TONSL: variants seen among roughly 807,000 people sequenced by gnomAD.
The protein encoded by TONSL is tonsoku like, DNA repair protein.
TONSL carries 112 observed loss-of-function variants against 147.1 expected under a neutral mutation model. The ratio of observed to expected loss-of-function variants is 0.76; its 90% CI spans 0.65 to 0.89. TONSL has a LOEUF of 0.89. Ranked by LOEUF, TONSL falls within the 40% of genes least tolerant of loss-of-function variation. The pLI, the probability that TONSL is intolerant of heterozygous loss-of-function variation, is 0.00. For missense variants in TONSL, 1,883 were observed against 1,864.6 expected, an observed-to-expected ratio of 1.01 and a Z score of -0.18; for synonymous variants, 868 against 801.5, an observed-to-expected ratio of 1.08 and a Z score of -1.40.
At position 144,435,889 on chromosome 8, in the gene TONSL, G is replaced by A; in HGVS notation, c.2544C>T (p.Pro848=). The A allele has an allele frequency of 6.3e-7, 1 of 1,598,660 alleles. No individual in the cohort carries two copies. Among genetic ancestry groups the A allele is most frequent in the Non-Finnish European group, 8.6e-7 (1 of 1,169,234 alleles). Reference sequence around the variant, plus strand: ...GGTTGTCTCCAGTGCCCCGGGGGCGGGGCCGGCGGCTGCGGGTCAGGGGCA... The same window carrying A: ...GGTTGTCTCCAGTGCCCCGGGGGCGAGGCCGGCGGCTGCGGGTCAGGGGCA... ...LDMPLTRSRR[P]RPRGTGDNRR... The change falls in exon 17 of 26, where the codon CCC becomes CCT. Residue 848 remains proline, a synonymous_variant. Transcript: ENST00000409379.
At chr8:144,429,417 ACT>A in intron 25 of TONSL, 81 bp from the exon 26 acceptor site, 1 of 1,289,044 alleles carries the variant, frequency 7.8e-7, no homozygotes, top group Non-Finnish European at 1.0e-6. Context: ...CAGGGAACAA[ACT>A]CGCTTTCGCT....
chr8:144,442,820 C>T lies in TONSL; in HGVS notation c.449-14G>A, dbSNP rs1823770438. On this transcript the variant is annotated splice_polypyrimidine_tract_variant and intron_variant, in intron 4 of 25. Coordinates refer to ENST00000409379, the MANE Select transcript of TONSL (RefSeq NM_013432.5). ...GGGCCAGTGTCCCTGGAAGATACCCCCCCAAACACTCAGCCACTTCCTCCC... is the reference window on the plus strand; with the variant it reads ...GGGCCAGTGTCCCTGGAAGATACCCTCCCAAACACTCAGCCACTTCCTCCC... 6.2e-7 allele frequency: 1 copy of T among 1,605,516 alleles called. No homozygotes were observed.
Position 144,442,801 on chromosome 8 carries a change from G to A in TONSL, c.454C>T (p.Leu152=). Residue 152 remains leucine (L), a synonymous_variant, in exon 5 of 26, where the codon CTG becomes TTG. Transcript: ENST00000409379. ...ATCTCATTCAGCTCTCCCTGGGCCA[G>A]TGTCCCTGGAAGATACCCCCCCAAA... is the stretch of plus-strand genomic sequence containing the variant. ...AIVDEELEGT[L]AQGELNEMRT... 6.2e-7 allele frequency: 1 copy of A among 1,611,490 alleles called. No homozygotes were observed. The highest frequency in any genetic ancestry group is 8.5e-7 in the Non-Finnish European group (1 of 1,179,278).
Position 144,436,660 on chromosome 8 carries a change from G to A in TONSL, c.1912C>T (p.Leu638=), listed in dbSNP as rs1464297696. ...CGGTACAGCTTCACCCACTGCTGCA[G>A]CGTCTCCAGCGGGCTGAGGCCCTGT... ...TRKGLSPLET[L]QQWVKLYRRD... is the part of the protein sequence containing the mutation. Residue 638 remains leucine, a synonymous_variant, in exon 16 of 26, where the codon CTG becomes TTG. Transcript: ENST00000409379. The A allele has an allele frequency of 1.2e-6, 2 of 1,612,084 alleles. No individual in the cohort carries two copies. The highest frequency in any genetic ancestry group is 2.2e-5 in the East Asian group (1 of 44,900).
In TONSL at chr8:144,436,194, C is replaced by G. The variant is rs369234807; in HGVS notation, c.2239G>C (p.Glu747Gln). The part of the protein sequence containing the change: ...PASSSSSSEG[E>Q]DSAGPARPSQ... The stretch of plus-strand genomic sequence containing the variant: ...GGCCGTGCGGGGCCTGCGCTGTCCT[C>G]GCCTTCTGAGCTGCTGCTGCTGCTG... Residue 747 changes from glutamate (E) to glutamine (Q), a missense_variant, in exon 17 of 26, where the codon GAG (glutamate) becomes CAG (glutamine). By Grantham distance (29) the Glu-to-Gln change is conservative. Transcript: ENST00000409379. 3 of 1,571,496 alleles carry G rather than the reference C, an allele frequency of 1.9e-6. No homozygotes were observed. Among genetic ancestry groups the G allele is most frequent in the Non-Finnish European group, 2.6e-6 (3 of 1,162,478 alleles).
chr8:144,432,547 T>C (rs1823251453), intron 22 of TONSL, 87 bp from the exon 23 acceptor site: 1 of 1,358,300 alleles, frequency 7.4e-7, no homozygotes, highest in Non-Finnish European at 9.7e-7. Flanking sequence ...TCAGGACCCC[T>C]TTGGGGAAAC....
intron 13 of TONSL, 32 bp from the exon 14 acceptor site, chr8:144,437,131 T>TGTGTACCTCACAGCCTGGCCCC: frequency 6.2e-7 from 1 of 1,603,454 alleles, no homozygotes; most frequent in East Asian, 2.2e-5. Context: ...AGCCTGGCCC[T>TGTGTACCTCACAGCCTGGCCCC]GTGTACCTCA....
Position 144,436,768 on chromosome 8 carries a change from G to A in TONSL, c.1879C>T (p.Arg627Cys), listed in dbSNP as rs751754276. 3.7e-5 allele frequency: 60 copies of A among 1,610,866 alleles called. No homozygotes were observed. Among genetic ancestry groups the A allele is most frequent in the Middle Eastern group, 3.3e-4 (2 of 6,082 alleles). ...CCCACCAGGCTCACCTTTCGAGTGC[G>A]GAGGGTGACGGACGCCCCCCGTTCA... ...LLERGASVTL[R>C]TRKGLSPLET... The change falls in exon 15 of 26, where the codon CGC becomes TGC. Residue 627 changes from arginine (R) to cysteine (C), a missense_variant. Transcript: ENST00000409379.
rs1321755551 is a variant in TONSL, at chr8:144,429,191, G to A, written c.4089C>T (p.Gly1363=). ...RQLQPSRPGP[G]ECTLDHGSKL... ...TGGAGCCGTGGTCCAGCGTGCACTCGCCGGGGCCCGGCCGACTGGGCTGCA... is the reference window on the plus strand; with the variant it reads ...TGGAGCCGTGGTCCAGCGTGCACTCACCGGGGCCCGGCCGACTGGGCTGCA... The change falls in exon 26 of 26, where the codon GGC becomes GGT. Residue 1363 remains glycine (G), a synonymous_variant. Transcript: ENST00000409379. The A allele has an allele frequency of 3.3e-6, 5 of 1,534,482 alleles. No homozygotes were observed. Among genetic ancestry groups the A allele is most frequent in the South Asian group, 1.2e-5 (1 of 83,738 alleles).
At chr8:144,436,464 C>T (rs376103780) in intron 16 of TONSL, 46 bp from the exon 17 acceptor site, 198 of 1,544,204 alleles carry the variant, frequency 1.3e-4, no homozygotes, top group Non-Finnish European at 1.5e-4. Flanking sequence ...CGGCACCTCC[C>T]GCTCCACCTG....
At chr8:144,432,157 C>G (rs1434173149) in intron 23 of TONSL, 128 bp downstream of exon 23, 1 of 1,083,766 alleles carries the variant, frequency 9.2e-7, no homozygotes, top group Non-Finnish European at 1.3e-6. Context: ...CTCCAAACCT[C>G]TAACTCTCTC....
In TONSL at chr8:144,435,519, C is replaced by T. The variant is rs1288090751; in HGVS notation, c.2807G>A (p.Arg936Gln). Residue 936 changes from arginine to glutamine, a missense_variant, in exon 18 of 26, where the codon CGA becomes CAA. Transcript: ENST00000409379. ...GPAPPPPIRV[R>Q]VQVQDHLFLI... is the part of the protein sequence containing the mutation. The stretch of plus-strand genomic sequence containing the variant: ...GAAGAGATGATCCTGAACTTGAACT[C>T]GAACCCGGATGGGAGGGGGCGGGGC... 5.8e-6 allele frequency: 9 copies of T among 1,549,930 alleles called. No individual in the cohort carries two copies. The highest frequency in any genetic ancestry group is 6.1e-6 in the Non-Finnish European group (7 of 1,146,506).
At chr8:144,431,301 G>A in intron 23 of TONSL, 150 bp from the exon 24 acceptor site, 2 of 684,826 alleles carry the variant, frequency 2.9e-6, no homozygotes, top group South Asian at 3.4e-5. Context: ...TCCTGATGTG[G>A]GTCACACTCT....
At chr8:144,434,541 C>T (rs1345351920) in intron 20 of TONSL, among the ~76,000 whole-genome samples, 1 of 152,184 alleles carries the variant, frequency 6.6e-6, no homozygotes, top group Non-Finnish European at 1.5e-5. Context: ...TCCCCAGCAG[C>T]TCCCAGCCCA....
chr8:144,443,144 G>T lies in TONSL; in HGVS notation c.442C>A (p.Leu148Met), dbSNP rs760476. 144 of 1,550,274 alleles carry T rather than the reference G, an allele frequency of 9.3e-5. No individual in the cohort carries two copies. Among genetic ancestry groups the T allele is most frequent in the Non-Finnish European group, 1.2e-4 (134 of 1,146,840 alleles). ...EKSLAIVDEE[L>M]EGTLAQGELN... The stretch of plus-strand genomic sequence containing the variant: ...CGCGGAGGGGTCTGCCCACCCTCCA[G>T]CTCCTCATCCACAATAGCCAAGCTC... Residue 148 changes from leucine to methionine, a missense_variant, in exon 4 of 26, where the codon CTG becomes ATG. Transcript: ENST00000409379.
chr8:144,429,227 G>T lies in TONSL; in HGVS notation c.4053C>A (p.Ala1351=). 1 of 1,535,988 alleles carries T rather than the reference G, an allele frequency of 6.5e-7. No individual in the cohort carries two copies. Residue 1351 remains alanine (A), a synonymous_variant, in exon 26 of 26, where the codon GCC becomes GCA. Transcript: ENST00000409379. ...SRRLCAEDRD[A]LRQLQPSRPG... ...GCCGACTGGGCTGCAGCTGGCGCAG[G>T]GCGTCCCTGTCCTCAGCGCAGAGGC...
chr8:144,442,688 G>A lies in TONSL; in HGVS notation c.567C>T (p.Ile189=), dbSNP rs1483439047. 19 of 1,612,786 alleles carry A rather than the reference G, an allele frequency of 1.2e-5. No individual in the cohort carries two copies. Among genetic ancestry groups the A allele is most frequent in the Non-Finnish European group, 1.6e-5 (19 of 1,179,850 alleles). Residue 189 remains isoleucine (I), a synonymous_variant, in exon 5 of 26, where the codon ATC becomes ATT. Transcript: ENST00000409379. ...GGGCAGGGCCTTACTCCGCAAGGAA[G>A]ATGCTCTTCCTGAAGTAATCGTTGC... The part of the protein sequence containing the change: ...ALCNDYFRKS[I]FLAEQNHLYE...
At chr8:144,443,434 C>T in intron 3 of TONSL, 113 bp from the exon 4 acceptor site, 3 of 1,086,364 alleles carry the variant, frequency 2.8e-6, no homozygotes, top group Non-Finnish European at 3.9e-6. Flanking sequence ...TCCCCCTAAC[C>T]CCCACAGAGC....
Position 144,436,099 on chromosome 8 carries a change from G to A in TONSL, c.2334C>T (p.Ser778=), listed in dbSNP as rs978201736. The A allele has an allele frequency of 3.8e-6, 6 of 1,560,494 alleles. No homozygotes were observed. Among genetic ancestry groups the A allele is most frequent in the Non-Finnish European group, 5.2e-6 (6 of 1,159,936 alleles). The change falls in exon 17 of 26, where the codon AGC becomes AGT. Residue 778 remains serine, a synonymous_variant. Coordinates refer to ENST00000409379, the MANE Select transcript of TONSL (RefSeq NM_013432.5). ...RVAAWTPGPA[S]NREAATASTS... is the part of the protein sequence containing the mutation. Reference sequence around the variant, plus strand: ...TGCTGGCTGTGGCTGCTTCCCTGTTGCTGGCGGGGCCAGGCGTCCAGGCTG... The same window carrying A: ...TGCTGGCTGTGGCTGCTTCCCTGTTACTGGCGGGGCCAGGCGTCCAGGCTG...
Sources: gnomAD v4.1 joint callset for allele counts (sites outside exome capture counted in the v4.1 genomes callset) on GRCh38, gnomAD v4.1.1 for gene constraint, MANE v1.5 for transcripts, NCBI Gene and HGNC (gene_info 2026-07-23, HGNC 2026-07-21) for gene names.